Variants in SPTAN1 observed in about 807,000 individuals in gnomAD.
The protein encoded by SPTAN1 is spectrin alpha, non-erythrocytic 1, also known as spectrin alpha chain, non-erythrocytic 1.
Under a neutral mutation model 331.3 loss-of-function variants are expected in SPTAN1, and 61 were observed. The observed-to-expected ratio is 0.18, with a 90% confidence interval of 0.15 to 0.23. The LOEUF is 0.23. SPTAN1 is among the 10% of genes least tolerant of loss of function. The probability of loss-of-function intolerance (pLI) is 1.00; values close to 1 mark genes in which losing one functional copy is unlikely to be tolerated. For missense variants in SPTAN1, 2,043 were observed against 3,147.9 expected (o/e 0.65, Z 8.40); for synonymous variants, 1,153 against 1,173.9 (o/e 0.98, Z 0.36).
Position 128,594,355 on chromosome 9 carries a change from G to C in SPTAN1, c.3396G>C (p.Lys1132Asn). 6.2e-7 allele frequency: 1 copy of C among 1,605,914 alleles called. No homozygotes were observed. Among genetic ancestry groups the C allele is most frequent in the Non-Finnish European group, 8.5e-7 (1 of 1,174,600 alleles). Residue 1132 changes from lysine (K) to asparagine (N), a missense_variant, in exon 24 of 57, where the codon AAG becomes AAC. Transcript: ENST00000372739. Reference protein sequence around the residue: ...DLEQVEVLQKKFDDFQKDLKA... With the variant: ...DLEQVEVLQKNFDDFQKDLKA... ...AGCAGGTTGAGGTGCTCCAGAAGAAGTTTGATGACTTCCAGAAGGTATGGG... is the reference window on the plus strand; with the variant it reads ...AGCAGGTTGAGGTGCTCCAGAAGAACTTTGATGACTTCCAGAAGGTATGGG...
In SPTAN1 at chr9:128,623,883, C is replaced by T. The variant is rs559411147; in HGVS notation, c.5833-445C>T. 5.3e-5 allele frequency among the ~76,000 whole-genome samples: 8 copies of T among 151,500 alleles called. No individual in the cohort carries two copies. The South Asian group carries it at 8.3e-4, about 16-fold the overall frequency. On this transcript the variant is annotated intron_variant, in intron 45 of 56. Coordinates refer to ENST00000372739, the MANE Select transcript of SPTAN1 (RefSeq NM_001130438.3). ...GGCAAATCACCTGAGGTCAGGAGTT[C>T]GAGACCAGCCTGACCAACATGGTGA...
In SPTAN1 at chr9:128,591,544, A is replaced by G. The variant is rs1853526772; in HGVS notation, c.3074A>G (p.Asp1025Gly). ...CCGGCTGCGTACGTGAAGAAATTGGACCCCGCCCAGTCAGCCTCCCGGGAG... is the reference window on the plus strand; with the variant it reads ...CCGGCTGCGTACGTGAAGAAATTGGGCCCCGCCCAGTCAGCCTCCCGGGAG... ...FVPAAYVKKLDPAQSASRENL... is the reference protein window; with the variant it reads ...FVPAAYVKKLGPAQSASRENL... The change falls in exon 22 of 57, where the codon GAC becomes GGC. Residue 1025 changes from aspartate to glycine, a missense_variant. Physicochemically the swap from Asp to Gly is moderately conservative, Grantham distance 94. Coordinates refer to ENST00000372739, the MANE Select transcript of SPTAN1 (RefSeq NM_001130438.3). 6.2e-7 allele frequency: 1 copy of G among 1,613,874 alleles called. No homozygotes were observed. Among genetic ancestry groups the G allele is most frequent in the Non-Finnish European group, 8.5e-7 (1 of 1,179,954 alleles).
intron 1 of SPTAN1, among the ~76,000 whole-genome samples, chr9:128,566,106 G>T (rs192577703): frequency 6.6e-6 from 1 of 152,308 alleles, no homozygotes; most frequent in East Asian, 1.9e-4. Context: ...ACCCAGGGCG[G>T]AGCGCAGTGG....
intron 3 of SPTAN1, among the ~76,000 whole-genome samples, chr9:128,571,455 C>T (rs954000231): frequency 2.6e-5 from 4 of 152,034 alleles, no homozygotes; most frequent in Admixed American, 6.6e-5. Flanking sequence ...CGTGGTGTTG[C>T]GTGCCTGTAA....
At chr9:128,624,966 G>A in intron 46 of SPTAN1, 137 bp from the exon 47 acceptor site, 1 of 825,914 alleles carries the variant, frequency 1.2e-6, no homozygotes, top group South Asian at 1.4e-5. Context: ...GCCTGCTAAT[G>A]TGGGTTCTGA....
intron 28 of SPTAN1, 21 bp downstream of exon 28, chr9:128,603,611 C>T (rs774472270): frequency 6.2e-7 from 1 of 1,614,040 alleles, no homozygotes; most frequent in Non-Finnish European, 8.5e-7. Flanking sequence ...GTGACCAGCT[C>T]CTCTGATCTC....
At chr9:128,603,465 A>G (rs2131544357) in intron 27 of SPTAN1, 78 bp from the exon 28 acceptor site, 1 of 1,541,400 alleles carries the variant, frequency 6.5e-7, no homozygotes, top group Non-Finnish European at 9.0e-7. Flanking sequence ...CAGGGACCTA[A>G]TCAATGACAC....
chr9:128,630,162 C>G (rs1859465884), intron 51 of SPTAN1, 159 bp from the exon 52 acceptor site: 1 of 820,896 alleles, frequency 1.2e-6, no homozygotes, highest in South Asian at 1.3e-5. Flanking sequence ...CCCTCGATCC[C>G]TGGGGCCCAT....
chr9:128,609,827 G>T (rs371105225), intron 37 of SPTAN1, among the ~76,000 whole-genome samples, 162 bp downstream of exon 37: 1 of 152,286 alleles, frequency 6.6e-6, no homozygotes. Flanking sequence ...AAGTGTCCCT[G>T]TGGGATGTGG....
chr9:128,592,987 C>G lies in SPTAN1; in HGVS notation c.3160C>G (p.Arg1054Gly). ...LRQEQIDNQT[R>G]ITKEAGSVSL... ...TGCTGTGCCCCCTCTGTGCAGGACA[C>G]GCATAACTAAGGAGGCCGGCAGTGT... Residue 1054 changes from arginine (R) to glycine (G), a missense_variant, in exon 23 of 57, where the codon CGC (arginine) becomes GGC (glycine). Arg to Gly is a moderately radical substitution (Grantham distance 125, BLOSUM62 -2). Around this residue, in one of 12 missense-constraint regions of SPTAN1, gnomAD observed 1,038 missense variants for 1,531.5 expected, o/e 0.68. Coordinates refer to ENST00000372739, the MANE Select transcript of SPTAN1 (RefSeq NM_001130438.3). 6.2e-7 allele frequency: 1 copy of G among 1,607,628 alleles called. No individual in the cohort carries two copies. Among genetic ancestry groups the G allele is most frequent in the South Asian group, 1.1e-5 (1 of 89,668 alleles).
At chr9:128,632,983 G>A (rs545097306) in intron 56 of SPTAN1, 28 bp downstream of exon 56, 15 of 1,607,908 alleles carry the variant, frequency 9.3e-6, no homozygotes, top group Non-Finnish European at 1.3e-5. Context: ...TGGGTGAAGA[G>A]GTGTCCTTTG....
rs374805926 is a variant in SPTAN1, at chr9:128,593,108, C to G, written c.3215+66C>G. 5.7e-5 allele frequency: 87 copies of G among 1,520,748 alleles called. No individual in the cohort carries two copies. In the African/African-American group the frequency reaches 1.1e-3, roughly 20 times the overall value. 94.2% of individuals were successfully genotyped at this position (1,520,748 alleles called of 1,614,324 possible). A position where few individuals can be genotyped will look rare whatever the true frequency, so the allele number is the denominator to read the frequency against. On this transcript the variant is annotated intron_variant, in intron 23 of 56. Coordinates refer to ENST00000372739, the MANE Select transcript of SPTAN1 (RefSeq NM_001130438.3). ...GCTACCCTATCCATTCTCCCTCTGC[C>G]GCTTCTCTTGAAGGCCTTTGTCCAT...
chr9:128,553,763 C>G (rs938411704), intron 1 of SPTAN1, among the ~76,000 whole-genome samples: 20 of 152,252 alleles, frequency 1.3e-4, no homozygotes, highest in Admixed American at 1.0e-3. Context: ...TTTGTTCTGT[C>G]TTCATCATGT....
rs768271102 is a variant in SPTAN1 at position 128,584,482 on chromosome 9, G to A, written c.2394G>A (p.Thr798=). The change falls in exon 17 of 57, where the codon ACG becomes ACA. Residue 798 remains threonine, a synonymous_variant. Coordinates refer to ENST00000372739, the MANE Select transcript of SPTAN1 (RefSeq NM_001130438.3). ...QLFRDVEDEE[T]WIREKEPIAA... is the part of the protein sequence containing the mutation. ...TCCGGGATGTTGAGGATGAGGAGAC[G>A]TGGATTCGAGAGAAAGAGCCCATTG... The A allele has an allele frequency of 8.7e-6, 14 of 1,614,040 alleles. No individual in the cohort carries two copies. The highest frequency in any genetic ancestry group is 1.7e-5 in the Admixed American group (1 of 59,998).
Position 128,566,778 on chromosome 9 carries a change from A to C in SPTAN1, c.38A>C (p.Glu13Ala). 6.2e-7 allele frequency: 1 copy of C among 1,614,238 alleles called. No homozygotes were observed. Among genetic ancestry groups the C allele is most frequent in the East Asian group, 2.2e-5 (1 of 44,884 alleles). ...PSGVKVLETA[E>A]DIQERRQQVL... ...GGGGTCAAAGTGCTGGAAACAGCAG[A>C]GGACATCCAGGAGAGGCGGCAGCAG... Residue 13 changes from glutamate to alanine, a missense_variant, in exon 2 of 57, where the codon GAG becomes GCG. Physicochemically the swap from Glu to Ala is moderately radical, Grantham distance 107. Around this residue, in one of 12 missense-constraint regions of SPTAN1, gnomAD observed 1,038 missense variants for 1,531.5 expected, o/e 0.68. Coordinates refer to ENST00000372739, the MANE Select transcript of SPTAN1 (RefSeq NM_001130438.3).
Position 128,625,202 on chromosome 9 carries a change from G to A in SPTAN1, c.6069+23G>A. ...CAGGTCTGCCCTGGCCCCTTCACTG[G>A]TTGAAATGTATGCAGATAGCATCTG... On this transcript the variant is annotated intron_variant, in intron 47 of 56. Coordinates refer to ENST00000372739, the MANE Select transcript of SPTAN1 (RefSeq NM_001130438.3). The surrounding 1 kb of genome is among the most constrained non-coding windows in gnomAD (Gnocchi z 4.1). 1 of 1,612,280 alleles carries A rather than the reference G, an allele frequency of 6.2e-7. No homozygotes were observed. The highest frequency in any genetic ancestry group is 1.7e-4 in the Middle Eastern group (1 of 6,044).
At chr9:128,587,783 C>T (rs922307423) in intron 20 of SPTAN1, 85 bp downstream of exon 20, 2 of 1,024,746 alleles carry the variant, frequency 2.0e-6, no homozygotes, top group Non-Finnish European at 3.1e-6. Flanking sequence ...TCATAGGCCC[C>T]ATTTGACTCT....
At chr9:128,591,161 ATG>A (rs1326704530) in intron 21 of SPTAN1, among the ~76,000 whole-genome samples, 10 of 152,032 alleles carry the variant, frequency 6.6e-5, no homozygotes, top group African/African-American at 2.4e-4. Context: ...TCCTGGGTTC[ATG>A]CCATTCTCCT....
rs77315490 is a variant in SPTAN1 at position 128,608,565 on chromosome 9, G to A, written c.4491+289G>A. Among the ~76,000 whole-genome samples the A allele has an allele frequency of 0.023, 3,506 of 152,194 alleles. 137 individuals carry two copies. The highest frequency in any genetic ancestry group is 0.08 in the African/African-American group (3,324 of 41,510). On this transcript the variant is annotated intron_variant, in intron 34 of 56. Transcript: ENST00000372739. ...AGATGTAAAACTGTTTGATTTATAC[G>A]TCACTTTGCTGTAAATCTGACAGCA...
Sources: gnomAD v4.1 joint callset for allele counts (sites outside exome capture counted in the v4.1 genomes callset) on GRCh38, gnomAD v4.1.1 for gene constraint, gnomAD v4.1.1 regional missense constraint, Gnocchi (gnomAD v3.1) non-coding constraint, MANE v1.5 for transcripts, NCBI Gene and HGNC (gene_info 2026-07-23, HGNC 2026-07-21) for gene names.